The following HCN1 variants were observed in gnomAD, a reference collection of about 807,000 sequenced individuals.
HCN1 encodes the protein potassium/sodium hyperpolarization-activated cyclic nucleotide-gated channel 1.
HCN1 carries 13 observed loss-of-function variants against 78.9 expected under a neutral mutation model. The observed-to-expected ratio is 0.16, with a 90% CI of 0.11 to 0.26. The LOEUF (loss-of-function observed/expected upper bound fraction) is 0.26, where lower values mean the gene tolerates loss of function less well. Among genes scored for constraint, HCN1 ranks in the 10% least tolerant of loss-of-function variants. HCN1 has a pLI of 1.00. For synonymous variants in HCN1, 552 were observed against 455.5 expected (o/e 1.21, Z -2.70); for missense variants, 810 against 1,154.3 (o/e 0.70, Z 4.32).
intron 5 of HCN1, among the ~76,000 whole-genome samples, chr5:45,322,015 A>G (rs1746136373): frequency 6.6e-6 from 1 of 151,912 alleles, no homozygotes; most frequent in African/African-American, 2.4e-5. Flanking sequence ...ATGGAAGAAA[A>G]CAAATGAGAT....
At chr5:45,689,929 C>T (rs1030790195) in intron 1 of HCN1, among the ~76,000 whole-genome samples, 4 of 152,066 alleles carry the variant, frequency 2.6e-5, no homozygotes, top group Non-Finnish European at 4.4e-5. Context: ...GGAGAACCTA[C>T]GTTATTCGTG....
intron 2 of HCN1, among the ~76,000 whole-genome samples, chr5:45,552,736 C>T (rs1743393500): frequency 6.6e-6 from 1 of 151,860 alleles, no homozygotes; most frequent in South Asian, 2.1e-4. Flanking sequence ...GAAGTGAAAT[C>T]TCAGGAGGGT....
At chr5:45,542,946 G>T (rs1579958917) in intron 2 of HCN1, among the ~76,000 whole-genome samples, 1 of 152,172 alleles carries the variant, frequency 6.6e-6, no homozygotes, top group African/African-American at 2.4e-5. Flanking sequence ...AGATACAGAG[G>T]TATGCAACCT....
intron 2 of HCN1, among the ~76,000 whole-genome samples, chr5:45,551,845 G>T (rs979846742): frequency 3.3e-5 from 5 of 151,822 alleles, no homozygotes; most frequent in African/African-American, 1.2e-4. Context: ...TACGTATAAG[G>T]TATAAAAACT....
intron 2 of HCN1, among the ~76,000 whole-genome samples, chr5:45,632,043 T>C (rs1745277124): frequency 6.6e-6 from 1 of 152,142 alleles, no homozygotes; most frequent in Admixed American, 6.6e-5. Context: ...TTTAGTCATC[T>C]CCTTAATTGC....
Position 45,644,936 on chromosome 5 carries a change from C to T in HCN1, c.849+249G>A. 2 of 528,572 alleles carry T rather than the reference C, an allele frequency of 3.8e-6. 1 individual carries two copies. The highest frequency in any genetic ancestry group is 5.8e-5 in the South Asian group (2 of 34,452). 32.7% of individuals were successfully genotyped at this position (528,572 alleles called of 1,614,324 possible). On this transcript the variant is annotated intron_variant, in intron 2 of 7. Coordinates refer to ENST00000303230, the MANE Select transcript of HCN1 (RefSeq NM_021072.4). ...AAGATAATAATTGCTGATTAAAGTGCATTTATTTAAAAATAAAATAAATTG... is the reference window on the plus strand; with the variant it reads ...AAGATAATAATTGCTGATTAAAGTGTATTTATTTAAAAATAAAATAAATTG...
At chr5:45,693,326 T>C (rs927856747) in intron 1 of HCN1, among the ~76,000 whole-genome samples, 6 of 152,196 alleles carry the variant, frequency 3.9e-5, no homozygotes, top group Non-Finnish European at 7.4e-5. Flanking sequence ...TTGCAGTTTG[T>C]TTTAGAACAC....
chr5:45,452,486 T>C (rs1352902873), intron 3 of HCN1, among the ~76,000 whole-genome samples: 6 of 151,672 alleles, frequency 4.0e-5, no homozygotes. Flanking sequence ...CAAACACTTC[T>C]AAAAAATGAT....
chr5:45,261,642 T>A lies in HCN1; in HGVS notation c.*279A>T, dbSNP rs951223658. On this transcript the variant is annotated 3_prime_UTR_variant, in exon 8 of 8. Coordinates refer to ENST00000303230, the MANE Select transcript of HCN1 (RefSeq NM_021072.4). ...TAAGTAAAAGTAGGTTAGAAATAAA[T>A]AATCTTACAACGACATTTTAAATCC... is the stretch of plus-strand genomic sequence containing the variant. 6 of 245,668 alleles carry A rather than the reference T, an allele frequency of 2.4e-5. No homozygotes were observed. The highest frequency in any genetic ancestry group is 1.9e-4 in the Admixed American group (4 of 20,586). The allele number at this position is 245,668 out of a possible 1,614,324, so 15.2% of individuals were successfully genotyped here.
Position 45,308,319 on chromosome 5 carries a change from C to A in HCN1, c.1378-4480G>T, listed in dbSNP as rs558861043. On this transcript the variant is annotated intron_variant, in intron 5 of 7. Coordinates refer to ENST00000303230, the MANE Select transcript of HCN1 (RefSeq NM_021072.4). ...TATAAATAACTCAGTCTCAGGTATT[C>A]CTTTATAGCAATGAAAAATGAATTA... Among the ~76,000 whole-genome samples the A allele has an allele frequency of 2.6e-5, 4 of 151,984 alleles. No homozygotes were observed. The South Asian group carries it at 8.3e-4, about 32-fold the overall frequency.
intron 3 of HCN1, among the ~76,000 whole-genome samples, chr5:45,436,534 T>A (rs1463594): frequency 1 from 152,319 of 152,324 alleles, 76,157 homozygotes; most frequent in Non-Finnish European, 1. Flanking sequence ...ACCAGTAAAA[T>A]GAAGTAATTA....
At chr5:45,353,059 A>C (rs776849947) in intron 5 of HCN1, 41 bp downstream of exon 5, 1 of 1,518,458 alleles carries the variant, frequency 6.6e-7, no homozygotes, top group South Asian at 1.1e-5. Flanking sequence ...GAAAATAAAC[A>C]ATGATTATGT....
At chr5:45,654,227 C>G (rs926963110) in intron 1 of HCN1, among the ~76,000 whole-genome samples, 2 of 152,032 alleles carry the variant, frequency 1.3e-5, no homozygotes, top group African/African-American at 4.8e-5. Context: ...TTAAAGGATA[C>G]AGACCGGAGC....
chr5:45,350,397 GA>G (rs1383633835), intron 5 of HCN1, among the ~76,000 whole-genome samples: 8 of 152,116 alleles, frequency 5.3e-5, no homozygotes, highest in African/African-American at 1.7e-4. Context: ...AGCTATCTAT[GA>G]CAAACCCACA....
intron 3 of HCN1, among the ~76,000 whole-genome samples, chr5:45,401,640 G>A (rs1224452816): frequency 1.4e-5 from 2 of 146,502 alleles, no homozygotes; most frequent in Non-Finnish European, 3.0e-5. Flanking sequence ...ATACTTACAC[G>A]TATTACCTAG....
intron 5 of HCN1, among the ~76,000 whole-genome samples, chr5:45,352,829 A>G (rs1746938717): frequency 6.6e-6 from 1 of 151,984 alleles, no homozygotes; most frequent in East Asian, 1.9e-4. Flanking sequence ...AAAAATGGGG[A>G]CAATATAGAC....
chr5:45,334,049 C>T (rs954177042), intron 5 of HCN1, among the ~76,000 whole-genome samples: 5 of 151,734 alleles, frequency 3.3e-5, no homozygotes, highest in Non-Finnish European at 5.9e-5. Flanking sequence ...AGTTCTATTA[C>T]TTACCTCTTT....
At chr5:45,664,954 T>C (rs546850207) in intron 1 of HCN1, among the ~76,000 whole-genome samples, 1 of 152,008 alleles carries the variant, frequency 6.6e-6, no homozygotes, top group Admixed American at 6.6e-5. Context: ...ACTGGGTATA[T>C]ACCCAAAGGA....
intron 2 of HCN1, chr5:45,642,981 T>C (rs1221720123): frequency 1.3e-5 from 2 of 152,168 alleles, no homozygotes; most frequent in African/African-American, 4.8e-5. Context: ...GGTTCATTTA[T>C]TACCAAGGTC....
Sources: allele counts gnomAD v4.1 joint callset (sites outside exome capture counted in the v4.1 genomes callset), GRCh38; gene constraint gnomAD v4.1.1; transcripts MANE v1.5; gene names NCBI Gene and HGNC (gene_info 2026-07-23, HGNC 2026-07-21).